NRG1: variants seen among roughly 807,000 people sequenced by gnomAD.
NRG1 encodes the protein pro-neuregulin-1, membrane-bound isoform.
A neutral mutation model predicts 63.8 loss-of-function variants in NRG1; 18 were observed. The observed-to-expected ratio is 0.28, with a 90% confidence interval of 0.19 to 0.42. The LOEUF (loss-of-function observed/expected upper bound fraction) is 0.42. Ranked by LOEUF, NRG1 falls within the 10% of genes least tolerant of loss-of-function variation. NRG1 has a pLI of 1.00. For synonymous variants in NRG1, 302 were observed against 301.3 expected (o/e 1.00, Z -0.02); for missense variants, 762 against 814.7 (o/e 0.94, Z 0.79).
At chr8:31,652,267 T>C (rs1302377190) in intron 1 of NRG1, among the ~76,000 whole-genome samples, 3 of 152,228 alleles carry the variant, frequency 2.0e-5, no homozygotes, top group African/African-American at 7.2e-5. Flanking sequence ...ATTCGTCCCG[T>C]CTTCCCTCAC....
intron 5 of NRG1, among the ~76,000 whole-genome samples, chr8:32,711,471 G>T (rs371725484): frequency 6.6e-6 from 1 of 152,086 alleles, no homozygotes; most frequent in African/African-American, 2.4e-5. Flanking sequence ...ACTTTACAAT[G>T]CCTAGCTAAC....
At chr8:32,544,893 T>C (rs1482918911), upstream of NRG1, among the ~76,000 whole-genome samples, 35 of 152,084 alleles carry the variant, frequency 2.3e-4, no homozygotes, top group Admixed American at 2.3e-3. Context: ...TGTTTTGAAG[T>C]TGACTCTGCT....
At chr8:32,398,054 C>T (rs548379567) in intron 1 of NRG1, among the ~76,000 whole-genome samples, 6 of 152,276 alleles carry the variant, frequency 3.9e-5, no homozygotes, top group South Asian at 2.1e-4. Flanking sequence ...CTAATATACA[C>T]AAACACCTGA....
intron 1 of NRG1, among the ~76,000 whole-genome samples, chr8:31,996,534 C>T (rs1811995540): frequency 6.6e-6 from 1 of 151,808 alleles, no homozygotes; most frequent in African/African-American, 2.4e-5. Context: ...GAGTCTAAGA[C>T]CAGCCTGAGT....
Position 32,410,392 on chromosome 8 carries a change from G to C in NRG1, c.38-185436G>C, listed in dbSNP as rs186715360. On this transcript the variant is annotated intron_variant, in intron 1 of 10. Coordinates refer to the NRG1 transcript ENST00000519301. Reference sequence around the variant, plus strand: ...GACAGGGTCTCAGCATGTTCCCCAGGCTGGGCTCAAGCGATCTACCCTGCT... The same window carrying C: ...GACAGGGTCTCAGCATGTTCCCCAGCCTGGGCTCAAGCGATCTACCCTGCT... 3.0e-3 allele frequency among the ~76,000 whole-genome samples: 449 copies of C among 151,820 alleles called. 1 individual carries two copies. Among genetic ancestry groups the C allele is most frequent in the Non-Finnish European group, 5.3e-3 (363 of 67,920 alleles).
chr8:32,739,453 G>A (rs1291607881), intron 6 of NRG1, among the ~76,000 whole-genome samples: 1 of 152,158 alleles, frequency 6.6e-6, no homozygotes, highest in Non-Finnish European at 1.5e-5. Context: ...TGGTTGAGAG[G>A]TAGCTGCTAT....
intron 1 of NRG1, among the ~76,000 whole-genome samples, chr8:32,221,993 C>A (rs1179942640): frequency 3.3e-5 from 5 of 151,472 alleles, no homozygotes; most frequent in Non-Finnish European, 1.5e-5. Context: ...ACTAAGCATT[C>A]CTTTCACAGC....
intron 1 of NRG1, among the ~76,000 whole-genome samples, chr8:31,874,706 G>A (rs116936724): frequency 0.029 from 4,348 of 152,140 alleles, 74 homozygotes; most frequent in Middle Eastern, 0.054. Context: ...GTTCTTTATA[G>A]CTATTTTTTT....
intron 1 of NRG1, among the ~76,000 whole-genome samples, chr8:32,403,299 C>CAA (rs68127664): frequency 1.0e-4 from 9 of 89,794 alleles, no homozygotes; most frequent in African/African-American, 3.3e-4. Context: ...CACTCTGTCT[C>CAA]AAAAAAAAAA....
At chr8:32,749,320 G>C in intron 7 of NRG1, 1 of 581,510 alleles carries the variant, frequency 1.7e-6, no homozygotes, top group East Asian at 2.9e-5. Context: ...TCTTTTAAGG[G>C]TTAATAAAGA....
At chr8:32,265,156 G>A (rs548518788) in intron 1 of NRG1, among the ~76,000 whole-genome samples, 1 of 152,120 alleles carries the variant, frequency 6.6e-6, no homozygotes, top group African/African-American at 2.4e-5. Flanking sequence ...GGCAAATATG[G>A]TGAGACCTCT....
chr8:31,790,357 G>A (rs1242244561), intron 1 of NRG1, among the ~76,000 whole-genome samples: 1 of 152,092 alleles, frequency 6.6e-6, no homozygotes, highest in Non-Finnish European at 1.5e-5. Flanking sequence ...ATAGAGGAAG[G>A]GTACTGGCTT....
chr8:32,272,886 G>A (rs560965421), intron 1 of NRG1, among the ~76,000 whole-genome samples: 8 of 152,260 alleles, frequency 5.3e-5, no homozygotes, highest in South Asian at 2.1e-4. Flanking sequence ...TGGGACTTTT[G>A]TCAAATTATT....
rs6982002 is a variant in NRG1 at position 32,450,873 on chromosome 8, G to T, written c.38-144955G>T. ...TTGTTCACTTATCTCAGGCCTGTGT[G>T]TTCTGAGTTAAAGACAAGTCAGTTG... On this transcript the variant is annotated intron_variant, in intron 1 of 10. Transcript: ENST00000519301. Among the ~76,000 whole-genome samples, 1,415 of 152,232 alleles carry T rather than the reference G, an allele frequency of 9.3e-3. 21 individuals carry two copies. The highest frequency in any genetic ancestry group is 0.032 in the African/African-American group (1,340 of 41,518).
In NRG1 at chr8:32,742,805, A is replaced by G. The variant is rs752557207; in HGVS notation, c.691+72A>G. 8.7e-6 allele frequency: 14 copies of G among 1,612,710 alleles called. No homozygotes were observed. Among genetic ancestry groups the G allele is most frequent in the African/African-American group, 1.3e-5 (1 of 74,820 alleles). ...GTTGGTGCTGCTTTCTTGTTGCTGC[A>G]TCTCCCCTCAGATTCCACCTAGAGC... is the stretch of plus-strand genomic sequence containing the variant. On this transcript the variant is annotated intron_variant, in intron 7 of 11. Coordinates refer to ENST00000356819, the Ensembl canonical transcript of NRG1. The surrounding 1 kb of genome is among the most constrained non-coding windows in gnomAD (Gnocchi z 4.2).
intron 1 of NRG1, among the ~76,000 whole-genome samples, chr8:31,671,556 A>G (rs1414184111): frequency 6.6e-6 from 1 of 152,144 alleles, no homozygotes; most frequent in African/African-American, 2.4e-5. Context: ...ACTCTGATTA[A>G]TTTGCTTAAT....
chr8:32,123,449 C>G (rs1833720305), intron 1 of NRG1, among the ~76,000 whole-genome samples: 1 of 151,840 alleles, frequency 6.6e-6, no homozygotes, highest in South Asian at 2.1e-4. Context: ...AATTTGAGGC[C>G]TCCCCAGCCA....
intron 1 of NRG1, among the ~76,000 whole-genome samples, chr8:32,184,844 A>G (rs1005041190): frequency 1.3e-5 from 2 of 152,168 alleles, no homozygotes; most frequent in Non-Finnish European, 2.9e-5. Flanking sequence ...ACTTGCACAT[A>G]AAGTTAAGAT....
chr8:32,493,801 C>T (rs192197670), intron 1 of NRG1, among the ~76,000 whole-genome samples: 1 of 152,066 alleles, frequency 6.6e-6, no homozygotes, highest in Non-Finnish European at 1.5e-5. Context: ...ATAATGAGTT[C>T]CCCCTGTTGG....
Sources: allele counts gnomAD v4.1 joint callset (sites outside exome capture counted in the v4.1 genomes callset), GRCh38; gene constraint gnomAD v4.1.1; non-coding constraint Gnocchi (gnomAD v3.1); transcripts MANE v1.5; gene names NCBI Gene and HGNC (gene_info 2026-07-23, HGNC 2026-07-21).